PPFIA2: variants seen among roughly 807,000 people sequenced by gnomAD.
The protein encoded by PPFIA2 is PPFI scaffold protein A2, also known as liprin-alpha-2.
In PPFIA2, 46 loss-of-function variants were observed where a neutral mutation model predicts 175.5. The observed-to-expected ratio is 0.26, with a 90% CI of 0.21 to 0.34. PPFIA2 has a LOEUF of 0.34. Ranked by LOEUF, PPFIA2 falls within the 10% of genes least tolerant of loss-of-function variation. PPFIA2 has a pLI of 1.00. For synonymous variants in PPFIA2, 568 were observed against 511.4 expected (o/e 1.11, Z -1.49); for missense variants, 1,179 against 1,506.1 (o/e 0.78, Z 3.60).
At chr12:81,500,086 C>T (rs1352589520) in intron 4 of PPFIA2, among the ~76,000 whole-genome samples, 3 of 152,156 alleles carry the variant, frequency 2.0e-5, no homozygotes, top group African/African-American at 7.2e-5. Flanking sequence ...TCACCACTAA[C>T]AAATATTCAC....
intron 4 of PPFIA2, among the ~76,000 whole-genome samples, chr12:81,632,259 G>A (rs1035754985): frequency 3.3e-5 from 5 of 151,934 alleles, no homozygotes; most frequent in Non-Finnish European, 7.4e-5. Context: ...TTTTATTATA[G>A]TAATCACAGA....
At chr12:81,758,892 G>A (rs1473200066) in intron 1 of PPFIA2, among the ~76,000 whole-genome samples, 1 of 151,856 alleles carries the variant, frequency 6.6e-6, no homozygotes, top group Non-Finnish European at 1.5e-5. Context: ...GGGTGTGTGG[G>A]GCGTCCCTCC....
intron 15 of PPFIA2, among the ~76,000 whole-genome samples, chr12:81,362,213 C>A (rs546508162): frequency 6.7e-6 from 1 of 149,156 alleles, no homozygotes; most frequent in Admixed American, 6.7e-5. Flanking sequence ...ATTACTTTAC[C>A]GAAATAGGTA....
At chr12:81,438,371 G>C (rs1025525886) in intron 7 of PPFIA2, among the ~76,000 whole-genome samples, 1 of 152,144 alleles carries the variant, frequency 6.6e-6, no homozygotes, top group East Asian at 1.9e-4. Context: ...GGGATGCCGA[G>C]GCAGTAGAAT....
At chr12:81,611,869 G>A (rs1042678443) in intron 4 of PPFIA2, among the ~76,000 whole-genome samples, 1 of 152,144 alleles carries the variant, frequency 6.6e-6, no homozygotes, top group Non-Finnish European at 1.5e-5. Flanking sequence ...CATAGGGGAT[G>A]CAGGGTCCCC....
chr12:81,381,839 A>G (rs2037785592), intron 9 of PPFIA2, among the ~76,000 whole-genome samples: 1 of 152,042 alleles, frequency 6.6e-6, no homozygotes, highest in Non-Finnish European at 1.5e-5. Context: ...GCATTGTCGT[A>G]GTACATATTC....
intron 4 of PPFIA2, among the ~76,000 whole-genome samples, chr12:81,460,264 T>C (rs935549365): frequency 6.6e-6 from 1 of 152,108 alleles, no homozygotes; most frequent in Non-Finnish European, 1.5e-5. Context: ...CTGATGATTT[T>C]ATAAAGGGAA....
chr12:81,602,462 G>T (rs1555517073), intron 4 of PPFIA2, among the ~76,000 whole-genome samples: 1 of 148,036 alleles, frequency 6.8e-6, no homozygotes, highest in Non-Finnish European at 1.5e-5. Flanking sequence ...TGTTGTTATG[G>T]TTTTTATCAG....
rs190727211 is a variant in PPFIA2 at position 81,437,327 on chromosome 12, T to G, written c.645+2645A>C. 5.3e-4 allele frequency among the ~76,000 whole-genome samples: 81 copies of G among 152,266 alleles called. 1 individual carries two copies. Among genetic ancestry groups the G allele is most frequent in the African/African-American group, 1.9e-3 (80 of 41,560 alleles). ...TCACTGCAAGCTCTGCCTCCAGGGT[T>G]CACGCCATTCTCCTGCCTCAGCCTC... On this transcript the variant is annotated intron_variant, in intron 7 of 32. Coordinates refer to ENST00000549396, the MANE Select transcript of PPFIA2 (RefSeq NM_003625.5).
chr12:81,606,529 G>C (rs564991889), intron 4 of PPFIA2, among the ~76,000 whole-genome samples: 1 of 152,048 alleles, frequency 6.6e-6, no homozygotes, highest in South Asian at 2.1e-4. Flanking sequence ...GTGTGAGATA[G>C]TATCTCATTG....
intron 8 of PPFIA2, among the ~76,000 whole-genome samples, chr12:81,385,550 T>A (rs948025572): frequency 3.9e-5 from 6 of 152,138 alleles, no homozygotes; most frequent in African/African-American, 1.4e-4. Context: ...AATTCTGTCA[T>A]TTGTGACAAC....
intron 3 of PPFIA2, among the ~76,000 whole-genome samples, chr12:81,707,878 T>G (rs1463420562): frequency 2.0e-5 from 3 of 151,356 alleles, no homozygotes; most frequent in African/African-American, 7.3e-5. Flanking sequence ...TGTAGGGACA[T>G]GGATGAAATT....
At chr12:81,557,829 T>A (rs546367793) in intron 4 of PPFIA2, among the ~76,000 whole-genome samples, 1 of 152,156 alleles carries the variant, frequency 6.6e-6, no homozygotes, top group South Asian at 2.1e-4. Flanking sequence ...TTAAAAGTAT[T>A]AATAGTCTTG....
At chr12:81,322,109 T>C (rs966086161) in intron 22 of PPFIA2, among the ~76,000 whole-genome samples, 20 of 152,192 alleles carry the variant, frequency 1.3e-4, no homozygotes, top group African/African-American at 2.4e-5. Context: ...AGTGCTCGGA[T>C]TACAGGCATG....
At chr12:81,509,910 A>G (rs189027943) in intron 4 of PPFIA2, among the ~76,000 whole-genome samples, 1 of 152,306 alleles carries the variant, frequency 6.6e-6, no homozygotes, top group Admixed American at 6.5e-5. Context: ...GTTCAGAACC[A>G]TTCTATGCTA....
intron 4 of PPFIA2, among the ~76,000 whole-genome samples, chr12:81,630,706 G>T (rs889819868): frequency 6.6e-6 from 1 of 151,898 alleles, no homozygotes; most frequent in African/African-American, 2.4e-5. Context: ...TAAGACTTTT[G>T]ATTTAGCTCT....
intron 2 of PPFIA2, among the ~76,000 whole-genome samples, chr12:81,756,481 A>T (rs1193535157): frequency 4.6e-5 from 7 of 152,098 alleles, no homozygotes. Context: ...TCAACATTAA[A>T]GGTAGTCTTC....
intron 4 of PPFIA2, among the ~76,000 whole-genome samples, chr12:81,520,980 A>G (rs570501178): frequency 4.6e-5 from 7 of 152,342 alleles, no homozygotes; most frequent in African/African-American, 1.7e-4. Context: ...GAGGTGTCAT[A>G]TGATATAAAC....
intron 4 of PPFIA2, among the ~76,000 whole-genome samples, chr12:81,563,956 C>A (rs767919670): frequency 9.0e-4 from 137 of 151,898 alleles, no homozygotes; most frequent in Admixed American, 4.6e-4. Context: ...GAGTCACTTA[C>A]AAAAAACCTT....
Sources: allele counts gnomAD v4.1 joint callset (sites outside exome capture counted in the v4.1 genomes callset), GRCh38; gene constraint gnomAD v4.1.1; transcripts MANE v1.5; gene names NCBI Gene and HGNC (gene_info 2026-07-23, HGNC 2026-07-21).